Variants in PALM2AKAP2 observed in about 807,000 individuals in gnomAD.
PALM2AKAP2 encodes PALM2-AKAP2 fusion protein.
Under a neutral mutation model 71.5 loss-of-function variants are expected in PALM2AKAP2, and 37 were observed. That is an observed-to-expected ratio of 0.52 (90% CI 0.40 to 0.68). The LOEUF (loss-of-function observed/expected upper bound fraction) is 0.68, where lower values mean the gene tolerates loss of function less well. Among genes scored for constraint, PALM2AKAP2 ranks in the 30% least tolerant of loss-of-function variants. PALM2AKAP2 has a pLI of 0.00. For synonymous variants in PALM2AKAP2, 468 were observed against 478.8 expected (o/e 0.98, Z 0.29); for missense variants, 1,224 against 1,191.8 (o/e 1.03, Z -0.40).
chr9:109,689,190 TTTTTCTTTTC>T (rs1564113685), intron 1 of PALM2AKAP2, among the ~76,000 whole-genome samples: 1 of 122,614 alleles, frequency 8.2e-6, no homozygotes, highest in African/African-American at 3.3e-5. Flanking sequence ...AATACCTTCT[TTTTTCTTTTC>T]TTTTTTTTTT....
At chr9:109,648,378 C>A (rs1422598678) in intron 1 of PALM2AKAP2, among the ~76,000 whole-genome samples, 1 of 152,140 alleles carries the variant, frequency 6.6e-6, no homozygotes, top group Non-Finnish European at 1.5e-5. Flanking sequence ...TCGACGGATT[C>A]TTTTTGAGTG....
rs199612008 is a variant in PALM2AKAP2, at chr9:110,015,905, T to C, written c.497-49T>C. 2.1e-4 allele frequency: 308 copies of C among 1,497,660 alleles called. 2 individuals carry two copies. In the South Asian group the frequency reaches 2.4e-3, roughly 12 times the overall value. The allele number at this position is 1,497,660 out of a possible 1,614,324, so 92.8% of individuals were successfully genotyped here. A position where few individuals can be genotyped will look rare whatever the true frequency, so the allele number is the denominator to read the frequency against. ...CTGAGCAATAACAACTGTGTATCCATGTCAGCTGAATGACTTGGCTCAAAT... is the reference window on the plus strand; with the variant it reads ...CTGAGCAATAACAACTGTGTATCCACGTCAGCTGAATGACTTGGCTCAAAT... On this transcript the variant is annotated intron_variant, in intron 6 of 9. Transcript: ENST00000302798.
intron 1 of PALM2AKAP2, among the ~76,000 whole-genome samples, chr9:109,699,718 T>G (rs1381507469): frequency 6.6e-6 from 1 of 152,068 alleles, no homozygotes; most frequent in Non-Finnish European, 1.5e-5. Flanking sequence ...TGATTTTTAT[T>G]TCCATTTTTT....
intron 1 of PALM2AKAP2, among the ~76,000 whole-genome samples, chr9:110,114,029 G>T (rs1835309083): frequency 6.6e-6 from 1 of 152,204 alleles, no homozygotes; most frequent in Non-Finnish European, 1.5e-5. Context: ...AACAGCCTCA[G>T]AAGGTAGGTG....
At chr9:109,777,822 C>T (rs1829369299), upstream of PALM2AKAP2, among the ~76,000 whole-genome samples, 2 of 152,134 alleles carry the variant, frequency 1.3e-5, no homozygotes, top group Non-Finnish European at 2.9e-5. Context: ...GATACTTTAT[C>T]AGTCTTCTTT....
At chr9:110,063,591 C>G (rs1048464009) in intron 1 of PALM2AKAP2, among the ~76,000 whole-genome samples, 3 of 151,052 alleles carry the variant, frequency 2.0e-5, no homozygotes, top group Non-Finnish European at 3.0e-5. Context: ...AGGTGCCCAC[C>G]ACCACGCCCA....
intron 2 of PALM2AKAP2, among the ~76,000 whole-genome samples, chr9:110,141,546 C>T (rs1233645425): frequency 6.6e-6 from 1 of 152,212 alleles, no homozygotes; most frequent in African/African-American, 2.4e-5. Flanking sequence ...GCTGGCCAAC[C>T]TCCAAGTTCA....
intron 1 of PALM2AKAP2, among the ~76,000 whole-genome samples, chr9:109,643,675 C>T (rs1447659626): frequency 6.6e-6 from 1 of 152,212 alleles, no homozygotes; most frequent in Non-Finnish European, 1.5e-5. Flanking sequence ...AACTTGGCCT[C>T]AGCTTTCCCA....
chr9:109,752,271 G>A (rs887048522), intron 1 of PALM2AKAP2, among the ~76,000 whole-genome samples: 4 of 152,140 alleles, frequency 2.6e-5, no homozygotes, highest in Admixed American at 6.6e-5. Flanking sequence ...CTGGGAGGAC[G>A]TGGAGCCTGA....
At chr9:109,763,477 G>C (rs1456116645) in intron 1 of PALM2AKAP2, among the ~76,000 whole-genome samples, 1 of 152,198 alleles carries the variant, frequency 6.6e-6, no homozygotes, top group Non-Finnish European at 1.5e-5. Flanking sequence ...ACCATATCCA[G>C]TTTAGGAACT....
chr9:109,925,234 C>A, intron 5 of PALM2AKAP2, 152 bp downstream of exon 5: 1 of 1,187,160 alleles, frequency 8.4e-7, no homozygotes, highest in South Asian at 1.4e-5. Flanking sequence ...CTGAGGAGGT[C>A]CACATTCCAA....
chr9:109,897,844 G>A (rs1830238287), intron 3 of PALM2AKAP2, among the ~76,000 whole-genome samples: 1 of 152,124 alleles, frequency 6.6e-6, no homozygotes, highest in Non-Finnish European at 1.5e-5. Flanking sequence ...AATGACTTTT[G>A]TGTCTCATAT....
chr9:110,094,670 G>A (rs1834794618), intron 1 of PALM2AKAP2, among the ~76,000 whole-genome samples: 2 of 74,212 alleles, frequency 2.7e-5, no homozygotes, highest in South Asian at 6.5e-4. Flanking sequence ...CCACGGGGCG[G>A]GGGGGCGGGT....
At chr9:109,657,532 C>T (rs528994850) in intron 1 of PALM2AKAP2, among the ~76,000 whole-genome samples, 17 of 148,774 alleles carry the variant, frequency 1.1e-4, no homozygotes, top group South Asian at 6.4e-4. Flanking sequence ...AGAAATACAG[C>T]GGAAGAGAGG....
At chr9:109,770,906 T>C (rs1455473526) in intron 1 of PALM2AKAP2, among the ~76,000 whole-genome samples, 1 of 152,246 alleles carries the variant, frequency 6.6e-6, no homozygotes, top group African/African-American at 2.4e-5. Context: ...GTCACAATAA[T>C]CTTATGAAAT....
chr9:109,995,702 C>G (rs746150425), intron 6 of PALM2AKAP2, among the ~76,000 whole-genome samples: 3 of 152,200 alleles, frequency 2.0e-5, no homozygotes, highest in Admixed American at 6.5e-5. Flanking sequence ...ACTCAGTTAC[C>G]TCCCACCAGG....
chr9:110,111,176 C>T (rs1042234690), intron 1 of PALM2AKAP2, among the ~76,000 whole-genome samples: 1 of 136,752 alleles, frequency 7.3e-6, no homozygotes, highest in African/African-American at 2.8e-5. Context: ...ACTGCAGTCT[C>T]AATGGCTCAG....
intron 3 of PALM2AKAP2, among the ~76,000 whole-genome samples, chr9:110,163,509 G>T (rs1219051081): frequency 6.6e-6 from 1 of 152,122 alleles, no homozygotes; most frequent in Non-Finnish European, 1.5e-5. Flanking sequence ...TCTCGCAGAG[G>T]TAACTATTTT....
At position 110,122,546 on chromosome 9, in the gene PALM2AKAP2, C is replaced by T. The variant is rs760867580; in HGVS notation, c.157-13581C>T. On this transcript the variant is annotated intron_variant, in intron 1 of 3. Coordinates refer to ENST00000374525, the Ensembl canonical transcript of PALM2AKAP2. ...TCTGCAGAGTGCATGATAATCCCCA[C>T]TTTGCCATTAATGGGAGGATTAAAT... Among the ~76,000 whole-genome samples the T allele has an allele frequency of 7.9e-5, 12 of 152,318 alleles. No homozygotes were observed. The East Asian group carries it at 2.1e-3, about 27-fold the overall frequency.
Sources: allele counts gnomAD v4.1 joint callset (sites outside exome capture counted in the v4.1 genomes callset), GRCh38; gene constraint gnomAD v4.1.1; transcripts MANE v1.5; gene names NCBI Gene and HGNC (gene_info 2026-07-23, HGNC 2026-07-21).